FBXL17: variants seen among roughly 807,000 people sequenced by gnomAD.
The protein encoded by FBXL17 is F-box and leucine rich repeat protein 17.
FBXL17 carries 22 observed loss-of-function variants against 66.2 expected under a neutral mutation model. The observed-to-expected ratio is 0.33, with a 90% confidence interval of 0.24 to 0.47. FBXL17 has a LOEUF of 0.47. Among genes scored for constraint, FBXL17 ranks in the 20% least tolerant of loss-of-function variants. The probability of loss-of-function intolerance (pLI) is 1.00; values close to 1 mark genes in which losing one functional copy is unlikely to be tolerated. For missense variants in FBXL17, 878 were observed against 948.2 expected (o/e 0.93, Z 0.97); for synonymous variants, 474 against 400.5 (o/e 1.18, Z -2.19).
At chr5:107,927,434 A>G (rs1294586654) in intron 7 of FBXL17, among the ~76,000 whole-genome samples, 1 of 152,166 alleles carries the variant, frequency 6.6e-6, no homozygotes, top group Admixed American at 6.5e-5. Flanking sequence ...CTTTGGTAGA[A>G]GGCTTTAATG....
At chr5:108,341,782 T>C (rs538628694) in intron 4 of FBXL17, among the ~76,000 whole-genome samples, 42 of 152,288 alleles carry the variant, frequency 2.8e-4, no homozygotes, top group African/African-American at 9.9e-4. Context: ...TCACCACTTA[T>C]TAAGCATTCC....
chr5:107,918,627 T>C (rs1392380113), intron 7 of FBXL17, among the ~76,000 whole-genome samples: 1 of 152,230 alleles, frequency 6.6e-6, no homozygotes, highest in Non-Finnish European at 1.5e-5. Context: ...TAAACACATG[T>C]TGAAATATTT....
intron 7 of FBXL17, among the ~76,000 whole-genome samples, chr5:108,009,272 T>TAG (rs1754071729): frequency 2.0e-4 from 4 of 19,754 alleles, no homozygotes; most frequent in African/African-American, 7.5e-4. Context: ...TATATATATA[T>TAG]ATATATATAT....
At chr5:108,047,554 G>A (rs998627391) in intron 6 of FBXL17, among the ~76,000 whole-genome samples, 4 of 152,186 alleles carry the variant, frequency 2.6e-5, no homozygotes, top group Non-Finnish European at 5.9e-5. Context: ...CCCTGGGTGG[G>A]GGAAGGATGG....
At chr5:108,172,120 G>A (rs1402389776) in intron 6 of FBXL17, among the ~76,000 whole-genome samples, 1 of 152,100 alleles carries the variant, frequency 6.6e-6, no homozygotes, top group Admixed American at 6.5e-5. Flanking sequence ...TAATATAGAT[G>A]GTCTAAGATG....
intron 6 of FBXL17, among the ~76,000 whole-genome samples, chr5:108,161,135 T>C (rs1399668229): frequency 6.7e-6 from 1 of 148,480 alleles, no homozygotes; most frequent in Non-Finnish European, 1.5e-5. Context: ...AACTGTGGCA[T>C]GTTGGGAATA....
intron 7 of FBXL17, among the ~76,000 whole-genome samples, chr5:107,921,799 C>T (rs1410475493): frequency 1.3e-5 from 2 of 152,160 alleles, no homozygotes; most frequent in Admixed American, 6.5e-5. Flanking sequence ...GTCACATAAC[C>T]CAAACCTGGT....
intron 4 of FBXL17, among the ~76,000 whole-genome samples, chr5:108,281,920 TAAATGCTTGG>T (rs1757717299): frequency 6.6e-6 from 1 of 151,768 alleles, no homozygotes; most frequent in South Asian, 2.1e-4. Flanking sequence ...AGGAAATGGA[TAAATGCTTGG>T]AAACATATAG....
chr5:108,036,308 C>G (rs924790056), intron 6 of FBXL17, among the ~76,000 whole-genome samples: 3 of 152,178 alleles, frequency 2.0e-5, no homozygotes, highest in Non-Finnish European at 4.4e-5. Context: ...CTTTCATACA[C>G]TTAGATTCCA....
chr5:108,294,043 CAAAA>C (rs71624893), intron 4 of FBXL17, among the ~76,000 whole-genome samples: 1 of 51,122 alleles, frequency 2.0e-5, no homozygotes, highest in Non-Finnish European at 3.5e-5. Flanking sequence ...TCTTGTCTCA[CAAAA>C]AAAAAAAAAA....
intron 6 of FBXL17, among the ~76,000 whole-genome samples, chr5:108,151,993 G>C (rs1265238113): frequency 6.6e-6 from 1 of 152,090 alleles, no homozygotes; most frequent in Non-Finnish European, 1.5e-5. Context: ...TCCCATTGTG[G>C]TCAGTTTCTT....
chr5:108,174,992 G>A (rs994844118), intron 6 of FBXL17, among the ~76,000 whole-genome samples: 2 of 152,018 alleles, frequency 1.3e-5, no homozygotes, highest in East Asian at 1.9e-4. Flanking sequence ...ATCTGAATCC[G>A]AACAATGACA....
At chr5:108,031,114 T>C (rs555305380) in intron 6 of FBXL17, among the ~76,000 whole-genome samples, 59 of 152,158 alleles carry the variant, frequency 3.9e-4, no homozygotes, top group Middle Eastern at 3.4e-3. Context: ...TATAAGCAAG[T>C]TAGCGAATGT....
rs201479673 is a variant in FBXL17, at chr5:107,906,060, CT to C, written c.1823-24882del. Among the ~76,000 whole-genome samples, 284 of 141,896 alleles carry C rather than the reference CT, an allele frequency of 2.0e-3. 1 individual carries two copies. Among genetic ancestry groups the C allele is most frequent in the Middle Eastern group, 7.4e-3 (2 of 272 alleles). The allele number at this position is 141,896 out of a possible 152,430, so 93.1% of individuals were successfully genotyped here. On this transcript the variant is annotated intron_variant, in intron 7 of 8. Transcript: ENST00000542267. ...GGCAGACTACATGCCTAGAGTGAAGCTTTTTTTTTTTTTCAAGAAGTTTAGC... is the reference window on the plus strand; with the variant it reads ...GGCAGACTACATGCCTAGAGTGAAGCTTTTTTTTTTTTCAAGAAGTTTAGC...
intron 4 of FBXL17, among the ~76,000 whole-genome samples, chr5:108,224,528 T>C (rs201914592): frequency 4.1e-5 from 6 of 147,258 alleles, no homozygotes; most frequent in Admixed American, 6.8e-5. Context: ...TGTATATGTA[T>C]ACACACACAC....
intron 6 of FBXL17, among the ~76,000 whole-genome samples, chr5:108,023,905 G>C (rs1261672140): frequency 1.3e-5 from 2 of 152,134 alleles, no homozygotes; most frequent in East Asian, 3.8e-4. Context: ...CAGAACCAAA[G>C]ACCACATTTA....
At chr5:107,920,397 G>A (rs1265320673) in intron 7 of FBXL17, among the ~76,000 whole-genome samples, 2 of 152,132 alleles carry the variant, frequency 1.3e-5, no homozygotes, top group Non-Finnish European at 2.9e-5. Flanking sequence ...CAGTGATGGA[G>A]TTTCACCATG....
At chr5:107,888,372 G>T (rs1346464729) in intron 7 of FBXL17, among the ~76,000 whole-genome samples, 1 of 152,052 alleles carries the variant, frequency 6.6e-6, no homozygotes, top group African/African-American at 2.4e-5. Context: ...TTAACTTTCT[G>T]GAAGCATAAC....
intron 6 of FBXL17, among the ~76,000 whole-genome samples, chr5:108,151,220 ACT>A (rs1332183375): frequency 6.6e-6 from 1 of 152,122 alleles, no homozygotes; most frequent in Non-Finnish European, 1.5e-5. Context: ...TATAGGACAA[ACT>A]CTGATATATC....
Sources: gnomAD v4.1 joint callset for allele counts (sites outside exome capture counted in the v4.1 genomes callset) on GRCh38, gnomAD v4.1.1 for gene constraint, MANE v1.5 for transcripts, NCBI Gene and HGNC (gene_info 2026-07-23, HGNC 2026-07-21) for gene names.